Variants in RAB3IP observed in about 807,000 individuals in gnomAD.
RAB3IP encodes rab-3A-interacting protein.
In RAB3IP, 36 loss-of-function variants were observed where a neutral mutation model predicts 59.1. The ratio of observed to expected loss-of-function variants is 0.61; its 90% CI spans 0.47 to 0.80. The LOEUF (loss-of-function observed/expected upper bound fraction) is 0.80, where lower values mean the gene tolerates loss of function less well. Among genes scored for constraint, RAB3IP ranks in the 30% least tolerant of loss-of-function variants. RAB3IP has a pLI of 0.00. For missense variants in RAB3IP, 511 were observed against 536.0 expected (o/e 0.95, Z 0.46); for synonymous variants, 207 against 191.2 (o/e 1.08, Z -0.68).
At chr12:69,782,283 G>GCCTCTCAA (rs1705143416) in intron 3 of RAB3IP, among the ~76,000 whole-genome samples, 3 of 152,186 alleles carry the variant, frequency 2.0e-5, no homozygotes, top group Admixed American at 6.5e-5. Flanking sequence ...TCCTGCCTCA[G>GCCTCTCAA]GCTTCTGAGT....
At chr12:69,764,592 C>T (rs186590951) in intron 3 of RAB3IP, among the ~76,000 whole-genome samples, 3 of 150,682 alleles carry the variant, frequency 2.0e-5, no homozygotes, top group Non-Finnish European at 4.4e-5. Flanking sequence ...CCTCTGACTT[C>T]TTTTTTCAAA....
intron 3 of RAB3IP, among the ~76,000 whole-genome samples, chr12:69,782,637 A>G (rs886798104): frequency 1.3e-5 from 2 of 152,106 alleles, no homozygotes; most frequent in African/African-American, 2.4e-5. Context: ...TGTTCTTTGT[A>G]TATTTTGGAT....
intron 1 of RAB3IP, among the ~76,000 whole-genome samples, chr12:69,742,089 C>T (rs1185646257): frequency 6.6e-6 from 1 of 152,140 alleles, no homozygotes; most frequent in East Asian, 1.9e-4. Context: ...GTAGAACGCA[C>T]TTTACATATT....
chr12:69,796,436 G>T (rs1877448103), intron 6 of RAB3IP: 2 of 398,092 alleles, frequency 5.0e-6, no homozygotes, highest in African/African-American at 2.1e-5. Flanking sequence ...TTTCTAAGAG[G>T]ATTGATCAAT....
intron 3 of RAB3IP, among the ~76,000 whole-genome samples, chr12:69,784,361 C>A (rs1314700042): frequency 6.6e-6 from 1 of 150,966 alleles, no homozygotes; most frequent in Non-Finnish European, 1.5e-5. Context: ...TAATTAAATT[C>A]CTTACTTGAT....
intron 4 of RAB3IP, among the ~76,000 whole-genome samples, chr12:69,793,949 G>A (rs1378324729): frequency 2.0e-5 from 3 of 152,156 alleles, no homozygotes; most frequent in Non-Finnish European, 4.4e-5. Context: ...TCACAAAATT[G>A]TCACATAATA....
At chr12:69,784,303 A>G (rs1875255168) in intron 3 of RAB3IP, among the ~76,000 whole-genome samples, 1 of 152,056 alleles carries the variant, frequency 6.6e-6, no homozygotes, top group Non-Finnish European at 1.5e-5. Flanking sequence ...ATAAGTAAAT[A>G]GCTTTTAAAG....
chr12:69,742,132 A>G (rs1281880570), intron 1 of RAB3IP, among the ~76,000 whole-genome samples: 1 of 152,214 alleles, frequency 6.6e-6, no homozygotes, highest in Non-Finnish European at 1.5e-5. Context: ...AAGTGCTAGG[A>G]TAGTTGAGTA....
intron 8 of RAB3IP, chr12:69,812,111 A>G (rs1458737028): frequency 2.0e-5 from 3 of 152,292 alleles, no homozygotes; most frequent in Non-Finnish European, 2.9e-5. Context: ...TGTGCCAGGC[A>G]TTTAAAGATG....
rs185903216 is a variant in RAB3IP, at chr12:69,806,683, C to T, written c.1130+4962C>T. Among the ~76,000 whole-genome samples the T allele has an allele frequency of 8.3e-4, 124 of 149,746 alleles. 1 individual carries two copies. Among genetic ancestry groups the T allele is most frequent in the African/African-American group, 2.5e-3 (103 of 40,580 alleles). ...TGGAGAGATGGTCAGCAGATAAACA[C>T]GTGAACAAAGGTCTCTGGTTTTCCT... On this transcript the variant is annotated intron_variant, in intron 8 of 10. Coordinates refer to ENST00000247833, the MANE Select transcript of RAB3IP (RefSeq NM_022456.5).
intron 1 of RAB3IP, among the ~76,000 whole-genome samples, chr12:69,746,429 AG>A (rs1868354382): frequency 6.6e-6 from 1 of 152,092 alleles, no homozygotes; most frequent in Non-Finnish European, 1.5e-5. Context: ...ACTTGTATTC[AG>A]CACTGAAAAT....
chr12:69,784,596 A>G (rs1413123194), intron 3 of RAB3IP, 124 bp from the exon 4 acceptor site: 1 of 413,802 alleles, frequency 2.4e-6, no homozygotes, highest in Non-Finnish European at 4.2e-6. Context: ...AAATACTTTC[A>G]ATGTGAACAT....
chr12:69,759,925 A>T (rs1022951653), intron 3 of RAB3IP, among the ~76,000 whole-genome samples: 2 of 150,260 alleles, frequency 1.3e-5, no homozygotes, highest in Non-Finnish European at 3.0e-5. Context: ...CGCTCCCCAC[A>T]TCTCAGACGA....
chr12:69,739,742 C>A, intron 1 of RAB3IP: 1 of 1,188,808 alleles, frequency 8.4e-7, no homozygotes, highest in Non-Finnish European at 1.3e-6. Flanking sequence ...TCTGCCCTCC[C>A]AGCGTTGACA....
At chr12:69,813,146 G>A in intron 10 of RAB3IP, 113 bp downstream of exon 10, 3 of 714,298 alleles carry the variant, frequency 4.2e-6, no homozygotes, top group Non-Finnish European at 2.3e-6. Context: ...CTTTATTGTT[G>A]GTACATTTAT....
chr12:69,767,299 C>T (rs1188423065), intron 3 of RAB3IP, among the ~76,000 whole-genome samples: 1 of 152,210 alleles, frequency 6.6e-6, no homozygotes, highest in Non-Finnish European at 1.5e-5. Context: ...ATTTGACCTA[C>T]AAGTCAGTAG....
chr12:69,759,787 G>C (rs1173136699), intron 3 of RAB3IP, among the ~76,000 whole-genome samples: 4 of 148,916 alleles, frequency 2.7e-5, no homozygotes, highest in African/African-American at 9.9e-5. Flanking sequence ...CTGGCCGGGC[G>C]GGGGCTGACC....
At chr12:69,813,780 A>G (rs115928359) in intron 10 of RAB3IP, among the ~76,000 whole-genome samples, 2,253 of 151,974 alleles carry the variant, frequency 0.015, 56 homozygotes, top group African/African-American at 0.049. Flanking sequence ...CCCTGTTTAT[A>G]TTTTTTAGGC....
chr12:69,740,819 G>A lies in RAB3IP; in HGVS notation c.-26+1788G>A, dbSNP rs531771539. On this transcript the variant is annotated intron_variant, in intron 1 of 10. Transcript: ENST00000247833. ...TTCACCCCCTCATTTTTTAAATATG[G>A]CACGAAAAAATACTTTGTAGATTAC... is the stretch of plus-strand genomic sequence containing the variant. Among the ~76,000 whole-genome samples, 3 of 152,184 alleles carry A rather than the reference G, an allele frequency of 2.0e-5. No homozygotes were observed. In the East Asian group the frequency reaches 5.8e-4, roughly 29 times the overall value.
Sources: allele counts gnomAD v4.1 joint callset (sites outside exome capture counted in the v4.1 genomes callset), GRCh38; gene constraint gnomAD v4.1.1; transcripts MANE v1.5; gene names NCBI Gene and HGNC (gene_info 2026-07-23, HGNC 2026-07-21).